RNF6: variants seen among roughly 807,000 people sequenced by gnomAD.
The protein encoded by RNF6 is ring finger protein 6.
Under a neutral mutation model 50.1 loss-of-function variants are expected in RNF6, and 21 were observed. That is an observed-to-expected ratio of 0.42 (90% CI 0.30 to 0.60). RNF6 has a LOEUF of 0.60. Among genes scored for constraint, RNF6 ranks in the 20% least tolerant of loss-of-function variants. The pLI, the probability that RNF6 is intolerant of heterozygous loss-of-function variation, is 0.20. For missense variants in RNF6, 698 were observed against 838.2 expected, an observed-to-expected ratio of 0.83 and a Z score of 2.07; for synonymous variants, 255 against 291.8, an observed-to-expected ratio of 0.87 and a Z score of 1.29.
chr13:26,188,338 C>T (rs180779031), intron 5 of RNF6, among the ~76,000 whole-genome samples: 105 of 152,294 alleles, frequency 6.9e-4, no homozygotes, highest in Non-Finnish European at 1.2e-3. Flanking sequence ...TTGTGACAGA[C>T]ATAGACAAGG....
Position 26,215,353 on chromosome 13 carries a change from T to C in RNF6, c.529A>G (p.Ser177Gly). 1.2e-6 allele frequency: 2 copies of C among 1,614,240 alleles called. No homozygotes were observed. Among genetic ancestry groups the C allele is most frequent in the Non-Finnish European group, 1.7e-6 (2 of 1,180,048 alleles). Reference protein sequence around the residue: ...EDYTDIPLSDSNRDHTANRQQ... With the variant: ...EDYTDIPLSDGNRDHTANRQQ... ...CTATTTGCAGTATGATCTCTGTTAC[T>C]ATCTGAAAGTGGAATGTCTGTATAA... The change falls in exon 5 of 5, where the codon AGT becomes GGT. Residue 177 changes from serine to glycine, a missense_variant. Transcript: ENST00000381588.
intron 5 of RNF6, among the ~76,000 whole-genome samples, chr13:26,139,446 C>T (rs759837456): frequency 6.6e-6 from 1 of 152,152 alleles, no homozygotes; most frequent in Admixed American, 6.6e-5. Context: ...CATGCCCTCT[C>T]TCTCAGAATA....
At chr13:26,202,879 T>A (rs551500813) in intron 5 of RNF6, among the ~76,000 whole-genome samples, 1 of 152,358 alleles carries the variant, frequency 6.6e-6, no homozygotes, top group East Asian at 1.9e-4. Context: ...AAAGTCCTTT[T>A]ATTAATTAAG....
chr13:26,220,926 G>C (rs1467576248), intron 2 of RNF6, among the ~76,000 whole-genome samples: 1 of 152,178 alleles, frequency 6.6e-6, no homozygotes, highest in African/African-American at 2.4e-5. Flanking sequence ...AATTTCACCT[G>C]TAACACTAAA....
At chr13:26,189,735 A>T (rs1868383933) in intron 5 of RNF6, among the ~76,000 whole-genome samples, 1 of 152,034 alleles carries the variant, frequency 6.6e-6, no homozygotes, top group African/African-American at 2.4e-5. Flanking sequence ...GGAGATAGAG[A>T]TTTCACAGTC....
In RNF6 at chr13:26,215,378, A is replaced by G. The variant is rs376886296; in HGVS notation, c.504T>C (p.Asp168=). The G allele has an allele frequency of 5.0e-6, 8 of 1,614,178 alleles. No homozygotes were observed. Among genetic ancestry groups the G allele is most frequent in the Non-Finnish European group, 6.8e-6 (8 of 1,180,040 alleles). The stretch of plus-strand genomic sequence containing the variant: ...TATCTGAAAGTGGAATGTCTGTATA[A>G]TCTTCTCCATGAATTTCAAATCCTC... ...ENRGFEIHGE[D]YTDIPLSDSN... is the part of the protein sequence containing the mutation. Residue 168 remains aspartate (D), a synonymous_variant, in exon 5 of 5, where the codon GAT becomes GAC. Transcript: ENST00000381588.
At chr13:26,204,649 G>T (rs1246568645) in intron 5 of RNF6, among the ~76,000 whole-genome samples, 2 of 152,072 alleles carry the variant, frequency 1.3e-5, no homozygotes, top group Admixed American at 1.3e-4. Flanking sequence ...TTTAGAAGAC[G>T]TCCATCTTCT....
chr13:26,173,843 C>T (rs301054), intron 5 of RNF6, among the ~76,000 whole-genome samples: 12,812 of 149,918 alleles, frequency 0.085, 720 homozygotes, highest in African/African-American at 0.15. Context: ...CCTAGCTACT[C>T]GGGAGGCTGA....
At chr13:26,137,885 A>G (rs1870733709) in intron 5 of RNF6, among the ~76,000 whole-genome samples, 1 of 152,080 alleles carries the variant, frequency 6.6e-6, no homozygotes, top group African/African-American at 2.4e-5. Context: ...CAACATAAGC[A>G]TAATGAAAAT....
chr13:26,159,677 T>A (rs972490994), intron 5 of RNF6, among the ~76,000 whole-genome samples: 2 of 152,080 alleles, frequency 1.3e-5, no homozygotes, highest in African/African-American at 4.8e-5. Flanking sequence ...AATTACTAAT[T>A]CCATTTAGGC....
At chr13:26,172,755 G>T (rs751631538) in intron 5 of RNF6, among the ~76,000 whole-genome samples, 1 of 152,150 alleles carries the variant, frequency 6.6e-6, no homozygotes, top group African/African-American at 2.4e-5. Context: ...ATGTTAGCCA[G>T]GATGGTCTCG....
At chr13:26,187,391 A>G (rs1873606333) in intron 5 of RNF6, among the ~76,000 whole-genome samples, 2 of 152,206 alleles carry the variant, frequency 1.3e-5, no homozygotes, top group South Asian at 4.1e-4. Flanking sequence ...CCAGTGTGAG[A>G]ATGTCAGCCC....
At chr13:26,155,013 G>A (rs922485270) in intron 5 of RNF6, among the ~76,000 whole-genome samples, 4 of 150,354 alleles carry the variant, frequency 2.7e-5, no homozygotes, top group Non-Finnish European at 5.9e-5. Context: ...CTGGGCAAAA[G>A]AGCCAGATTC....
intron 5 of RNF6, among the ~76,000 whole-genome samples, chr13:26,200,017 A>G (rs1489238695): frequency 6.6e-6 from 1 of 151,998 alleles, no homozygotes; most frequent in Non-Finnish European, 1.5e-5. Context: ...AGAAGCCAGA[A>G]GCTTATGAAG....
chr13:26,216,037 C>A (rs9319282), intron 4 of RNF6, among the ~76,000 whole-genome samples: 35,070 of 152,118 alleles, frequency 0.23, 4,305 homozygotes, highest in East Asian at 0.44. Flanking sequence ...GTCATTTTTG[C>A]AACTAGGTAT....
intron 5 of RNF6, among the ~76,000 whole-genome samples, chr13:26,141,674 C>A (rs1870959758): frequency 6.6e-6 from 1 of 151,952 alleles, no homozygotes; most frequent in East Asian, 1.9e-4. Context: ...AACTGGTTAA[C>A]CATATGCAGA....
At chr13:26,167,803 G>T (rs746902050) in intron 5 of RNF6, among the ~76,000 whole-genome samples, 1 of 152,198 alleles carries the variant, frequency 6.6e-6, no homozygotes, top group Non-Finnish European at 1.5e-5. Context: ...CAACCTAAAT[G>T]CCCGTCACTG....
intron 5 of RNF6, among the ~76,000 whole-genome samples, chr13:26,164,088 A>T (rs1593159272): frequency 1.3e-5 from 2 of 152,232 alleles, no homozygotes; most frequent in African/African-American, 4.8e-5. Context: ...AATTAAGCCT[A>T]ATGGAGATTG....
chr13:26,137,460 A>G (rs1870708092), intron 5 of RNF6, among the ~76,000 whole-genome samples: 1 of 152,084 alleles, frequency 6.6e-6, no homozygotes, highest in Admixed American at 6.6e-5. Flanking sequence ...AGTATCTTGC[A>G]TCTTTCCCAT....
Sources: allele counts gnomAD v4.1 joint callset (sites outside exome capture counted in the v4.1 genomes callset), GRCh38; gene constraint gnomAD v4.1.1; transcripts MANE v1.5; gene names NCBI Gene and HGNC (gene_info 2026-07-23, HGNC 2026-07-21).